The following INSR variants were observed in gnomAD, a reference collection of about 807,000 sequenced individuals.
The protein encoded by INSR is insulin receptor, also known as IR.
Under a neutral mutation model 142.6 loss-of-function variants are expected in INSR, and 67 were observed. The ratio of observed to expected loss-of-function variants is 0.47; its 90% confidence interval spans 0.39 to 0.58. The LOEUF (loss-of-function observed/expected upper bound fraction) is 0.58, where lower values mean the gene tolerates loss of function less well. Among genes scored for constraint, INSR ranks in the 20% least tolerant of loss-of-function variants. The pLI is 0.00. For missense variants in INSR, 1,248 were observed against 1,833.2 expected (o/e 0.68, Z 5.83); for synonymous variants, 756 against 743.1 (o/e 1.02, Z -0.28).
intron 2 of INSR, among the ~76,000 whole-genome samples, chr19:7,218,931 TGCCGAGGCTTACAGGTG>T (rs1975518574): frequency 6.6e-6 from 1 of 152,082 alleles, no homozygotes; most frequent in South Asian, 2.1e-4. Flanking sequence ...GAACAGCAAG[TGCCGAGGCTTACAGGTG>T]GCAGGAAGGC....
rs566735223 is a variant in INSR at position 7,240,023 on chromosome 19, C to T, written c.652+27322G>A. On this transcript the variant is annotated intron_variant, in intron 2 of 21. Coordinates refer to ENST00000302850, the MANE Select transcript of INSR (RefSeq NM_000208.4). ...CATCTCAGCTCACTGCAAGCTCTCG[C>T]GGAGTATTTTTAAAGACTAGATCCA... Among the ~76,000 whole-genome samples, 15 of 152,228 alleles carry T rather than the reference C, an allele frequency of 9.9e-5. No individual in the cohort carries two copies. The Middle Eastern group carries it at 0.01, about 104-fold the overall frequency.
In INSR at chr19:7,125,595, A is replaced by C; in HGVS notation, c.3014-68T>G. 1 of 1,597,658 alleles carries C rather than the reference A, an allele frequency of 6.3e-7. No homozygotes were observed. Among genetic ancestry groups the C allele is most frequent in the Non-Finnish European group, 8.5e-7 (1 of 1,175,150 alleles). On this transcript the variant is annotated intron_variant, in intron 16 of 21. Transcript: ENST00000302850. The surrounding 1 kb of genome is among the most constrained non-coding windows in gnomAD (Gnocchi z 4.9). ...GGGGGTCTGCAGCCACCTTCCACCC[A>C]AGCCCTCACCCAAACCCCCTCGAAA...
rs1568204425 is a variant in INSR at position 7,229,332 on chromosome 19, A to ATGGATAGATAGATGGATG, written c.652+38012_652+38013insCATCCATCTATCTATCCA. ...TGGATGGATGGATGGATGGATGGAT[A>ATGGATAGATAGATGGATG]GATGGATGGATGGATGGATGGATGG... On this transcript the variant is annotated intron_variant, in intron 2 of 21. Transcript: ENST00000302850. 4.9e-5 allele frequency among the ~76,000 whole-genome samples: 4 copies of ATGGATAGATAGATGGATG among 81,902 alleles called. No homozygotes were observed. In the Admixed American group the frequency reaches 5.6e-4, roughly 11 times the overall value. 53.7% of individuals were successfully genotyped at this position (81,902 alleles called of 152,430 possible). A position where few individuals can be genotyped will look rare whatever the true frequency, so the allele number is the denominator to read the frequency against.
At chr19:7,174,513 T>C (rs990346759) in intron 4 of INSR, 70 bp downstream of exon 4, 1 of 1,579,120 alleles carries the variant, frequency 6.3e-7, no homozygotes, top group Non-Finnish European at 8.7e-7. Context: ...ACTGCTTTTC[T>C]TCCCCGCTCA....
intron 1 of INSR, 74 bp downstream of exon 1, chr19:7,293,718 G>A (rs868618984): frequency 2.5e-6 from 3 of 1,209,190 alleles, no homozygotes; most frequent in Middle Eastern, 3.0e-4. Flanking sequence ...ACAAGCGGGG[G>A]CTCGATTTTG....
chr19:7,292,477 G>GGGT (rs1555693271), intron 1 of INSR, among the ~76,000 whole-genome samples: 3 of 150,030 alleles, frequency 2.0e-5, no homozygotes, highest in South Asian at 2.2e-4. Flanking sequence ...GGCTGGGGGG[G>GGGT]GGTGGGCCCG....
At chr19:7,158,372 G>A (rs1338185392) in intron 9 of INSR, among the ~76,000 whole-genome samples, 2 of 152,040 alleles carry the variant, frequency 1.3e-5, no homozygotes, top group Non-Finnish European at 2.9e-5. Context: ...GTGGTGGCGG[G>A]CGCCTGTAGT....
chr19:7,261,280 C>T (rs574933745), intron 2 of INSR, among the ~76,000 whole-genome samples: 9 of 152,114 alleles, frequency 5.9e-5, no homozygotes, highest in Non-Finnish European at 1.0e-4. Flanking sequence ...CTAGACTGGC[C>T]GCTCTGAGGA....
chr19:7,151,253 C>T (rs1342970864), intron 10 of INSR, among the ~76,000 whole-genome samples: 1 of 145,950 alleles, frequency 6.9e-6, no homozygotes, highest in Non-Finnish European at 1.5e-5. Flanking sequence ...TCCCTCCCTC[C>T]ATTCCTTTCT....
intron 2 of INSR, among the ~76,000 whole-genome samples, chr19:7,260,327 C>T (rs1176027729): frequency 1.3e-5 from 2 of 152,144 alleles, no homozygotes; most frequent in African/African-American, 4.8e-5. Context: ...CGGCCTCACC[C>T]ACCCCTCTGG....
chr19:7,227,393 C>G (rs111622400), intron 2 of INSR, among the ~76,000 whole-genome samples: 1 of 152,020 alleles, frequency 6.6e-6, no homozygotes, highest in Non-Finnish European at 1.5e-5. Flanking sequence ...TCAACTCAGC[C>G]TCTCAAGTAG....
intron 2 of INSR, among the ~76,000 whole-genome samples, chr19:7,250,586 GA>G (rs1408447440): frequency 7.7e-5 from 9 of 117,426 alleles, no homozygotes; most frequent in African/African-American, 2.9e-4. Context: ...AGGAGGGAGG[GA>G]AGGAAGGAAG....
intron 4 of INSR, among the ~76,000 whole-genome samples, chr19:7,172,900 C>T (rs1285490234): frequency 1.3e-5 from 2 of 149,926 alleles, no homozygotes; most frequent in African/African-American, 2.5e-5. Flanking sequence ...AAAATAGCAA[C>T]CCCTGTTAGT....
rs528761329 is a variant in INSR at position 7,135,020 on chromosome 19, A to C, written c.2683-2703T>G. Reference sequence around the variant, plus strand: ...AAGTTTTCGACACAGTTCCAAGCTAATAGTGCATGCAGAGAACCGGGCTGG... The same window carrying C: ...AAGTTTTCGACACAGTTCCAAGCTACTAGTGCATGCAGAGAACCGGGCTGG... On this transcript the variant is annotated intron_variant, in intron 13 of 21. Coordinates refer to ENST00000302850, the MANE Select transcript of INSR (RefSeq NM_000208.4). Among the ~76,000 whole-genome samples the C allele has an allele frequency of 3.9e-4, 57 of 147,864 alleles. No individual in the cohort carries two copies. In the South Asian group the frequency reaches 9.8e-3, roughly 25 times the overall value.
At chr19:7,126,469 G>C in intron 16 of INSR, 115 bp downstream of exon 16, 1 of 911,432 alleles carries the variant, frequency 1.1e-6, no homozygotes, top group South Asian at 1.4e-5. Context: ...AAATGAATAA[G>C]AGGGCTTTTC....
intron 3 of INSR, among the ~76,000 whole-genome samples, chr19:7,182,588 G>A (rs1428500277): frequency 6.6e-6 from 1 of 151,938 alleles, no homozygotes; most frequent in South Asian, 2.1e-4. Context: ...AATAAAATAC[G>A]GTGACAATGC....
chr19:7,206,447 G>A (rs535656891), intron 2 of INSR, among the ~76,000 whole-genome samples: 2 of 152,268 alleles, frequency 1.3e-5, no homozygotes, highest in African/African-American at 2.4e-5. Context: ...GCGGGCGAGC[G>A]ATGGAAGCTT....
chr19:7,274,071 G>A (rs1337791235), intron 1 of INSR, among the ~76,000 whole-genome samples: 1 of 151,996 alleles, frequency 6.6e-6, no homozygotes, highest in Non-Finnish European at 1.5e-5. Flanking sequence ...GTCCACAGCA[G>A]TGGTCCCCAA....
intron 2 of INSR, among the ~76,000 whole-genome samples, chr19:7,196,280 A>G (rs4804093): frequency 6.6e-6 from 1 of 152,118 alleles, no homozygotes; most frequent in Non-Finnish European, 1.5e-5. Context: ...AGAATTAAGG[A>G]GTATGTATCA....
Sources: allele counts gnomAD v4.1 joint callset (sites outside exome capture counted in the v4.1 genomes callset), GRCh38; gene constraint gnomAD v4.1.1; non-coding constraint Gnocchi (gnomAD v3.1); transcripts MANE v1.5; gene names NCBI Gene and HGNC (gene_info 2026-07-23, HGNC 2026-07-21).